RANBP17: variants seen among roughly 807,000 people sequenced by gnomAD.
RANBP17 encodes the protein ran-binding protein 17.
RANBP17 carries 158 observed loss-of-function variants against 141.2 expected under a neutral mutation model. That is an observed-to-expected ratio of 1.12 (90% CI 0.98 to 1.28). The LOEUF (loss-of-function observed/expected upper bound fraction) is 1.28. RANBP17 is among the 50% of genes most tolerant of loss of function. The pLI is 0.00. For synonymous variants in RANBP17, 430 were observed against 450.0 expected (o/e 0.96, Z 0.56); for missense variants, 1,438 against 1,290.7 (o/e 1.11, Z -1.75).
chr5:170,917,937 A>T (rs1340769462), intron 9 of RANBP17, among the ~76,000 whole-genome samples: 1 of 152,266 alleles, frequency 6.6e-6, no homozygotes, highest in Middle Eastern at 3.4e-3. Flanking sequence ...TATTTTCTAT[A>T]TATTTCATGG....
At chr5:171,106,117 T>C (rs1319137801) in intron 14 of RANBP17, among the ~76,000 whole-genome samples, 1 of 151,606 alleles carries the variant, frequency 6.6e-6, no homozygotes, top group African/African-American at 2.4e-5. Flanking sequence ...AATAGATCCA[T>C]TGTGAAATAA....
At chr5:170,875,935 A>T (rs1306182877) in intron 1 of RANBP17, among the ~76,000 whole-genome samples, 4 of 150,732 alleles carry the variant, frequency 2.7e-5, no homozygotes, top group Non-Finnish European at 4.4e-5. Context: ...TTTTGTGGGG[A>T]CTCTTTTTGT....
chr5:170,913,554 T>C (rs1436463826), intron 7 of RANBP17, among the ~76,000 whole-genome samples: 1 of 152,086 alleles, frequency 6.6e-6, no homozygotes, highest in South Asian at 2.1e-4. Context: ...ATAGTCATAA[T>C]AAATGTAAAC....
intron 22 of RANBP17, among the ~76,000 whole-genome samples, chr5:171,231,822 T>C (rs2127990115): frequency 6.6e-6 from 1 of 152,250 alleles, no homozygotes; most frequent in South Asian, 2.1e-4. Context: ...TTGGAAATGA[T>C]CTAATAATGG....
intron 22 of RANBP17, among the ~76,000 whole-genome samples, chr5:171,223,404 C>T (rs776362935): frequency 1.1e-4 from 17 of 152,084 alleles, no homozygotes; most frequent in Non-Finnish European, 1.5e-4. Flanking sequence ...GAGGCCAGGG[C>T]GGGCGGATCA....
chr5:171,127,840 A>G (rs1027324690), intron 14 of RANBP17, among the ~76,000 whole-genome samples: 3 of 152,288 alleles, frequency 2.0e-5, no homozygotes, highest in South Asian at 2.1e-4. Context: ...TGATTCAGCA[A>G]TCTCATTACT....
chr5:171,024,982 T>C (rs1781134685), intron 14 of RANBP17, among the ~76,000 whole-genome samples: 1 of 152,214 alleles, frequency 6.6e-6, no homozygotes, highest in South Asian at 2.1e-4. Flanking sequence ...TGATATCCTC[T>C]GAAAAAGCTG....
At position 171,139,326 on chromosome 5, in the gene RANBP17, C is replaced by G. The variant is rs150285740; in HGVS notation, c.1711-30804C>G. On this transcript the variant is annotated intron_variant, in intron 14 of 27. Coordinates refer to ENST00000523189, the MANE Select transcript of RANBP17 (RefSeq NM_022897.5). ...AATCCTGAAAGTCTTCTCCATCCAT[C>G]TCTTCCCTACTCTACCCCATTGTTG... is the stretch of plus-strand genomic sequence containing the variant. Among the ~76,000 whole-genome samples the G allele has an allele frequency of 1.8e-3, 281 of 152,254 alleles. 2 individuals carry two copies. The highest frequency in any genetic ancestry group is 6.6e-3 in the African/African-American group (273 of 41,554).
intron 14 of RANBP17, among the ~76,000 whole-genome samples, chr5:171,072,569 A>G (rs1320788350): frequency 6.6e-6 from 1 of 152,178 alleles, no homozygotes. Flanking sequence ...GGAAATTAAA[A>G]TCACAATTAG....
At chr5:171,280,597 G>A (rs566346988) in intron 25 of RANBP17, among the ~76,000 whole-genome samples, 73 of 152,314 alleles carry the variant, frequency 4.8e-4, no homozygotes, top group African/African-American at 1.7e-3. Context: ...AGTTTAACCA[G>A]CAGTAGCCAC....
intron 14 of RANBP17, among the ~76,000 whole-genome samples, chr5:171,156,927 A>G (rs1299974267): frequency 2.0e-5 from 3 of 152,208 alleles, no homozygotes; most frequent in Admixed American, 2.0e-4. Context: ...AGGGATTTCA[A>G]AAGCAATAAA....
rs141954134 is a variant in RANBP17, at chr5:171,023,021, A to T, written c.1710+54644A>T. Reference sequence around the variant, plus strand: ...TTCACTGCCTCCCTTCACTGGTGGGAGGGGGCTCCCCTGCCCCATGTGGCT... The same window carrying T: ...TTCACTGCCTCCCTTCACTGGTGGGTGGGGGCTCCCCTGCCCCATGTGGCT... On this transcript the variant is annotated intron_variant, in intron 14 of 27. Transcript: ENST00000523189. Among the ~76,000 whole-genome samples, 988 of 152,264 alleles carry T rather than the reference A, an allele frequency of 6.5e-3. 11 individuals carry two copies. Among genetic ancestry groups the T allele is most frequent in the African/African-American group, 0.023 (938 of 41,566 alleles).
chr5:170,879,038 T>C (rs1245177587), intron 2 of RANBP17, among the ~76,000 whole-genome samples: 1 of 152,178 alleles, frequency 6.6e-6, no homozygotes, highest in African/African-American at 2.4e-5. Flanking sequence ...TAGAACTGTT[T>C]TTGGGCGGAT....
intron 14 of RANBP17, among the ~76,000 whole-genome samples, chr5:171,090,742 A>G (rs955562649): frequency 3.3e-5 from 5 of 152,162 alleles, no homozygotes; most frequent in Non-Finnish European, 5.9e-5. Context: ...CAGTCACTCC[A>G]GCTGTGATTA....
intron 14 of RANBP17, among the ~76,000 whole-genome samples, chr5:171,088,506 G>C (rs905694540): frequency 1.3e-5 from 2 of 152,092 alleles, no homozygotes; most frequent in Non-Finnish European, 2.9e-5. Flanking sequence ...CTGAATGTTG[G>C]CCTGCCTTGC....
At chr5:171,068,334 ATGCTT>A (rs1185304858) in intron 14 of RANBP17, among the ~76,000 whole-genome samples, 1 of 151,898 alleles carries the variant, frequency 6.6e-6, no homozygotes, top group Non-Finnish European at 1.5e-5. Flanking sequence ...TTCCTGTTCC[ATGCTT>A]TTCTTTAGCT....
chr5:171,094,097 A>T (rs1447242720), intron 14 of RANBP17, among the ~76,000 whole-genome samples: 1 of 152,224 alleles, frequency 6.6e-6, no homozygotes, highest in East Asian at 1.9e-4. Flanking sequence ...CTCTGTGGAA[A>T]CATGCCTACC....
chr5:171,251,784 T>G (rs903071557), intron 24 of RANBP17: 41 of 1,075,920 alleles, frequency 3.8e-5, no homozygotes, highest in Non-Finnish European at 4.8e-5. Context: ...CCCGCCTCTG[T>G]GATTGGGTGG....
At chr5:171,240,412 T>C (rs1017178373) in intron 22 of RANBP17, among the ~76,000 whole-genome samples, 1 of 152,182 alleles carries the variant, frequency 6.6e-6, no homozygotes, top group African/African-American at 2.4e-5. Context: ...CAAGAACTTC[T>C]GTGTGTGTTA....
Sources: allele counts gnomAD v4.1 joint callset (sites outside exome capture counted in the v4.1 genomes callset), GRCh38; gene constraint gnomAD v4.1.1; transcripts MANE v1.5; gene names NCBI Gene and HGNC (gene_info 2026-07-23, HGNC 2026-07-21).